KIF16B: variants seen among roughly 807,000 people sequenced by gnomAD.
KIF16B encodes kinesin family member 16B.
Under a neutral mutation model 156.3 loss-of-function variants are expected in KIF16B, and 98 were observed. That is an observed-to-expected ratio of 0.63 (90% CI 0.53 to 0.74). KIF16B has a LOEUF of 0.74. Ranked by LOEUF, KIF16B falls within the 30% of genes least tolerant of loss-of-function variation. KIF16B has a pLI of 0.00. For synonymous variants in KIF16B, 564 were observed against 583.7 expected (o/e 0.97, Z 0.49); for missense variants, 1,421 against 1,606.5 (o/e 0.88, Z 1.97).
chr20:16,552,016 C>T (rs1568677683), intron 1 of KIF16B, among the ~76,000 whole-genome samples: 1 of 152,174 alleles, frequency 6.6e-6, no homozygotes, highest in Non-Finnish European at 1.5e-5. Context: ...CTTGAGATAA[C>T]GTGATGACAT....
chr20:16,410,207 A>G (rs548320773), intron 15 of KIF16B, among the ~76,000 whole-genome samples: 1 of 147,082 alleles, frequency 6.8e-6, no homozygotes, highest in South Asian at 2.1e-4. Context: ...ATATGTAGGT[A>G]CATATACATG....
chr20:16,380,916 C>T (rs2065078335), intron 18 of KIF16B, among the ~76,000 whole-genome samples: 1 of 152,174 alleles, frequency 6.6e-6, no homozygotes, highest in Admixed American at 6.5e-5. Context: ...ACTGGGCTTC[C>T]ACCTCCTGAC....
intron 12 of KIF16B, among the ~76,000 whole-genome samples, chr20:16,472,553 TA>T (rs11318601): frequency 0.48 from 54,927 of 113,316 alleles, 13,000 homozygotes; most frequent in East Asian, 0.64. Flanking sequence ...CATCTGAAAT[TA>T]AAAAAAAAAA....
intron 25 of KIF16B, among the ~76,000 whole-genome samples, chr20:16,290,259 T>C (rs2063294266): frequency 6.6e-6 from 1 of 151,988 alleles, no homozygotes; most frequent in Non-Finnish European, 1.5e-5. Context: ...CATCGAGGAG[T>C]AGTTGTACAT....
intron 9 of KIF16B, among the ~76,000 whole-genome samples, chr20:16,504,969 A>G (rs1345261163): frequency 6.6e-6 from 1 of 152,192 alleles, no homozygotes; most frequent in Non-Finnish European, 1.5e-5. Context: ...AAGGGTCACA[A>G]ATCTATCCAT....
intron 3 of KIF16B, among the ~76,000 whole-genome samples, chr20:16,519,396 G>T (rs1221359952): frequency 1.3e-5 from 2 of 152,096 alleles, no homozygotes; most frequent in Non-Finnish European, 2.9e-5. Flanking sequence ...CTACAAGTGC[G>T]CAACACTGCA....
intron 1 of KIF16B, among the ~76,000 whole-genome samples, chr20:16,570,267 T>A (rs917928254): frequency 3.9e-5 from 6 of 152,174 alleles, no homozygotes; most frequent in Admixed American, 1.3e-4. Context: ...TAATAAAAAT[T>A]AGAAATTAGA....
At chr20:16,380,279 A>T in intron 18 of KIF16B, 116 bp from the exon 19 acceptor site, 1 of 941,604 alleles carries the variant, frequency 1.1e-6, no homozygotes, top group Non-Finnish European at 1.4e-6. Flanking sequence ...CATTAAAATA[A>T]AAAAAAGAAG....
intron 4 of KIF16B, among the ~76,000 whole-genome samples, chr20:16,514,885 CAAAAAAAAAAAAAAA>C (rs10564862): frequency 1.8e-4 from 11 of 60,752 alleles, no homozygotes; most frequent in African/African-American, 6.0e-4. Flanking sequence ...GATTCCATCT[CAAAAAAAAAAAAAAA>C]AAAAAAAAAA....
chr20:16,417,829 C>T (rs1407116583), intron 15 of KIF16B, among the ~76,000 whole-genome samples: 1 of 151,090 alleles, frequency 6.6e-6, no homozygotes, highest in Non-Finnish European at 1.5e-5. Context: ...ATCTGAAAAG[C>T]AAAGAAAAAA....
At chr20:16,499,757 G>A (rs528973283) in intron 10 of KIF16B, among the ~76,000 whole-genome samples, 100 of 152,244 alleles carry the variant, frequency 6.6e-4, no homozygotes, top group African/African-American at 2.4e-3. Context: ...CTGAATAGAA[G>A]CACAAAGACT....
At chr20:16,290,824 GGGA>G (rs1484951297) in intron 25 of KIF16B, among the ~76,000 whole-genome samples, 2 of 152,290 alleles carry the variant, frequency 1.3e-5, no homozygotes, top group East Asian at 3.9e-4. Context: ...TCAGGGAAGA[GGGA>G]GGTAGGGAGA....
intron 12 of KIF16B, among the ~76,000 whole-genome samples, chr20:16,455,690 G>T (rs2067194497): frequency 6.6e-6 from 1 of 152,114 alleles, no homozygotes. Flanking sequence ...TTTAGAATAA[G>T]GAGAGAAAGA....
intron 22 of KIF16B, among the ~76,000 whole-genome samples, chr20:16,357,508 T>C (rs1204072776): frequency 1.3e-5 from 2 of 152,178 alleles, no homozygotes; most frequent in South Asian, 2.1e-4. Flanking sequence ...CTGAGATACA[T>C]TGAGCTAATG....
intron 1 of KIF16B, among the ~76,000 whole-genome samples, chr20:16,561,287 C>CT (rs1356976121): frequency 6.6e-6 from 1 of 152,030 alleles, no homozygotes; most frequent in Non-Finnish European, 1.5e-5. Flanking sequence ...GAGCAAGACT[C>CT]TGTCTCAAAA....
chr20:16,365,878 C>T (rs6111076), intron 22 of KIF16B, among the ~76,000 whole-genome samples: 102,978 of 151,900 alleles, frequency 0.68, 36,125 homozygotes, highest in East Asian at 0.97. Flanking sequence ...CTGAGAGCTA[C>T]TGTGGGCTAA....
intron 22 of KIF16B, among the ~76,000 whole-genome samples, chr20:16,357,153 T>G (rs2064459368): frequency 6.6e-6 from 1 of 152,230 alleles, no homozygotes; most frequent in Non-Finnish European, 1.5e-5. Context: ...CCTTATTGTT[T>G]GCATTAAGCT....
intron 17 of KIF16B, among the ~76,000 whole-genome samples, chr20:16,390,989 G>A (rs1043383284): frequency 7.2e-5 from 11 of 152,196 alleles, no homozygotes; most frequent in Non-Finnish European, 1.3e-4. Flanking sequence ...AACAGGAGAC[G>A]GGGTGGAGGG....
chr20:16,333,763 A>G (rs550946497), intron 24 of KIF16B, among the ~76,000 whole-genome samples: 4 of 152,290 alleles, frequency 2.6e-5, no homozygotes, highest in African/African-American at 7.2e-5. Context: ...TTAGAGTTGT[A>G]TATTGGTGCT....
Sources: gnomAD v4.1 joint callset for allele counts (sites outside exome capture counted in the v4.1 genomes callset) on GRCh38, gnomAD v4.1.1 for gene constraint, MANE v1.5 for transcripts, NCBI Gene and HGNC (gene_info 2026-07-23, HGNC 2026-07-21) for gene names.